ZNF85: variants seen among roughly 807,000 people sequenced by gnomAD.
The protein encoded by ZNF85 is zinc finger protein 85 (HPF4, HTF1).
ZNF85 carries 50 observed loss-of-function variants against 53.9 expected under a neutral mutation model. The observed-to-expected ratio is 0.93, with a 90% CI of 0.74 to 1.17. The LOEUF (loss-of-function observed/expected upper bound fraction) is 1.17. Among genes scored for constraint, ZNF85 ranks in the 50% most tolerant of loss-of-function variants. The pLI is 0.00. For missense variants in ZNF85, 747 were observed against 688.5 expected, an observed-to-expected ratio of 1.08 and a Z score of -0.95; for synonymous variants, 225 against 226.1, an observed-to-expected ratio of 1.00 and a Z score of 0.04.
At position 20,950,283 on chromosome 19, in the gene ZNF85, G is replaced by C. The variant is rs1172649684; in HGVS notation, c.1769G>C (p.Gly590Ala). 6.6e-7 allele frequency: 1 copy of C among 1,525,280 alleles called. No homozygotes were observed. The highest frequency in any genetic ancestry group is 1.3e-5 in the South Asian group (1 of 74,088). The allele number at this position is 1,525,280 out of a possible 1,614,324, so 94.5% of individuals were successfully genotyped here. A position where few individuals can be genotyped will look rare whatever the true frequency, so the allele number is the denominator to read the frequency against. ...ACTAAACATAAGATAATTCATACCG[G>C]AGAAAAATTACAAATATGAAAATTA... ...VLTKHKIIHT[G>A]EKLQI is the part of the protein sequence containing the mutation. The change falls in exon 4 of 4, where the codon GGA becomes GCA. Residue 590 changes from glycine (G) to alanine (A), a missense_variant. Transcript: ENST00000328178.
chr19:20,938,864 G>A (rs1599438542), intron 3 of ZNF85, among the ~76,000 whole-genome samples: 1 of 146,724 alleles, frequency 6.8e-6, no homozygotes, highest in South Asian at 2.2e-4. Flanking sequence ...GTGTGTGTGT[G>A]TGTGTGTGTG....
chr19:20,941,451 C>T (rs984901094), intron 3 of ZNF85, among the ~76,000 whole-genome samples: 20 of 152,078 alleles, frequency 1.3e-4, no homozygotes, highest in Non-Finnish European at 2.6e-4. Context: ...TTAGTAGAGA[C>T]GGGGTTTCAC....
chr19:20,950,300 T>C lies in ZNF85; in HGVS notation c.1786T>C (p.Ter596ArgextTer27), dbSNP rs181284877. 47 of 1,516,258 alleles carry C rather than the reference T, an allele frequency of 3.1e-5. No individual in the cohort carries two copies. In the East Asian group the frequency reaches 1.0e-3, roughly 34 times the overall value. 93.9% of individuals were successfully genotyped at this position (1,516,258 alleles called of 1,614,324 possible). A position where few individuals can be genotyped will look rare whatever the true frequency, so the allele number is the denominator to read the frequency against. Residue 596 changes from the stop codon to arginine (R), a stop_lost, in exon 4 of 4, where the codon TGA (stop) becomes CGA (arginine). Coordinates refer to ENST00000328178, the MANE Select transcript of ZNF85 (RefSeq NM_003429.5). ...IIHTGEKLQI[*>R] ...TCATACCGGAGAAAAATTACAAATA[T>C]GAAAATTATGGCAAAGCTTTAATCA...
chr19:20,925,444 G>A (rs1407224861), intron 1 of ZNF85, among the ~76,000 whole-genome samples: 3 of 138,120 alleles, frequency 2.2e-5, no homozygotes, highest in East Asian at 4.0e-4. Context: ...GTGAAAGAGC[G>A]AGACTGTATA....
intron 3 of ZNF85, among the ~76,000 whole-genome samples, chr19:20,944,475 ATAATT>A (rs1322170184): frequency 2.1e-5 from 3 of 145,090 alleles, no homozygotes; most frequent in Non-Finnish European, 3.0e-5. Context: ...AATTAGTAGT[ATAATT>A]ATTATATATT....
intron 1 of ZNF85, among the ~76,000 whole-genome samples, chr19:20,923,909 C>G (rs181157804): frequency 6.3e-4 from 96 of 152,122 alleles, no homozygotes; most frequent in African/African-American, 2.2e-3. Flanking sequence ...TGGTGAAACC[C>G]CGTCTCAATT....
chr19:20,938,077 G>GT (rs1223614723), intron 3 of ZNF85, among the ~76,000 whole-genome samples: 2 of 152,008 alleles, frequency 1.3e-5, no homozygotes, highest in East Asian at 1.9e-4. Context: ...GACTAGTCTT[G>GT]TTTTTTTGTT....
chr19:20,938,311 C>T (rs1038429923), intron 3 of ZNF85, among the ~76,000 whole-genome samples: 2 of 152,114 alleles, frequency 1.3e-5, no homozygotes, highest in South Asian at 2.1e-4. Flanking sequence ...GTTAACCTTC[C>T]CACCTCAACC....
At chr19:20,945,301 C>G (rs971108294) in intron 3 of ZNF85, among the ~76,000 whole-genome samples, 3 of 152,178 alleles carry the variant, frequency 2.0e-5, no homozygotes, top group Non-Finnish European at 4.4e-5. Context: ...CATTTTGTAG[C>G]ACTTTCCAAA....
At position 20,949,455 on chromosome 19, in the gene ZNF85, A is replaced by G. The variant is rs28699012; in HGVS notation, c.941A>G (p.Tyr314Cys). The G allele has an allele frequency of 2.7e-5, 44 of 1,613,426 alleles. No homozygotes were observed. In the African/African-American group the frequency reaches 5.7e-4, roughly 21 times the overall value. Residue 314 changes from tyrosine (Y) to cysteine (C), a missense_variant, in exon 4 of 4, where the codon TAC becomes TGC. By Grantham distance (194) the Tyr-to-Cys change is radical (BLOSUM62 -2). Coordinates refer to ENST00000328178, the MANE Select transcript of ZNF85 (RefSeq NM_003429.5). ...AAAATTCATACTGGAGAGAAACCTT[A>G]CAAATGTGAAGAATGTGGCAAAGCC... ...HRKIHTGEKP[Y>C]KCEECGKAFK...
At position 20,923,254 on chromosome 19, in the gene ZNF85, T is replaced by C; in HGVS notation, c.-147T>C. 1.5e-6 allele frequency: 2 copies of C among 1,309,842 alleles called. No individual in the cohort carries two copies. Among genetic ancestry groups the C allele is most frequent in the Non-Finnish European group, 2.1e-6 (2 of 936,510 alleles). The allele number at this position is 1,309,842 out of a possible 1,614,324, so 81.1% of individuals were successfully genotyped here. On this transcript the variant is annotated 5_prime_UTR_variant, in exon 1 of 4. Coordinates refer to ENST00000328178, the MANE Select transcript of ZNF85 (RefSeq NM_003429.5). Reference sequence around the variant, plus strand: ...GCGGCTTCCGGGATGTGGCGGGGCCTTTGTCTCTCGCTGCAGCCTGAGCTC... The same window carrying C: ...GCGGCTTCCGGGATGTGGCGGGGCCCTTGTCTCTCGCTGCAGCCTGAGCTC...
intron 3 of ZNF85, chr19:20,942,901 G>T (rs780580366): frequency 1.5e-6 from 1 of 678,728 alleles, no homozygotes; most frequent in African/African-American, 1.8e-5. Context: ...TCAGCCTCCC[G>T]AGTAGCTTGG....
At chr19:20,947,755 T>G (rs767439533) in intron 3 of ZNF85, among the ~76,000 whole-genome samples, 2 of 151,656 alleles carry the variant, frequency 1.3e-5, no homozygotes, top group Non-Finnish European at 3.0e-5. Context: ...TCATTTTTTC[T>G]TATATTAAAA....
intron 3 of ZNF85, chr19:20,936,997 A>G (rs184246658): frequency 7.6e-4 from 142 of 187,166 alleles, no homozygotes; most frequent in African/African-American, 3.2e-3. Flanking sequence ...CAGCTCTTCA[A>G]GTTTTTGGGG....
In ZNF85 at chr19:20,934,064, T is replaced by C. The variant is rs1973097030; in HGVS notation, c.44T>C (p.Leu15Pro). The C allele has an allele frequency of 6.2e-7, 1 of 1,612,808 alleles. No homozygotes were observed. The highest frequency in any genetic ancestry group is 8.5e-7 in the Non-Finnish European group (1 of 1,179,338). The change falls in exon 2 of 4, where the codon CTG becomes CCG. Residue 15 changes from leucine to proline, a missense_variant. Transcript: ENST00000328178. ...TFRDVAIEFS[L>P]KEWQCLDTAQ... The stretch of plus-strand genomic sequence containing the variant: ...AGGGATGTGGCCATAGAATTCTCTC[T>C]GAAGGAGTGGCAATGCCTGGACACT...
intron 3 of ZNF85, among the ~76,000 whole-genome samples, chr19:20,946,091 T>C (rs1287688370): frequency 6.6e-6 from 1 of 152,092 alleles, no homozygotes; most frequent in Non-Finnish European, 1.5e-5. Flanking sequence ...CTTTTGAGAT[T>C]CCATATACTT....
At chr19:20,935,112 C>A in intron 3 of ZNF85, 65 bp downstream of exon 3, 1 of 1,051,254 alleles carries the variant, frequency 9.5e-7, no homozygotes. Flanking sequence ...AAAGAGAAAG[C>A]CAGTCCTTAA....
At chr19:20,944,795 A>C (rs1263921817) in intron 3 of ZNF85, among the ~76,000 whole-genome samples, 1 of 151,986 alleles carries the variant, frequency 6.6e-6, no homozygotes, top group Non-Finnish European at 1.5e-5. Context: ...TGGATGTTTT[A>C]GTTTATATTA....
chr19:20,933,972 TGTG>T lies in ZNF85; in HGVS notation c.4-51_4-49del, dbSNP rs1973090656. 54 of 1,082,750 alleles carry T rather than the reference TGTG, an allele frequency of 5.0e-5. 1 individual carries two copies. The allele number at this position is 1,082,750 out of a possible 1,614,324, so 67.1% of individuals were successfully genotyped here. A position where few individuals can be genotyped will look rare whatever the true frequency, so the allele number is the denominator to read the frequency against. On this transcript the variant is annotated intron_variant, in intron 1 of 3. Transcript: ENST00000328178. ...GTTGGTAATTATGTGTGTGTGTGTG[TGTG>T]TGTGTGTGTGTGTGTGTGTGTGTAT...
Sources: allele counts gnomAD v4.1 joint callset (sites outside exome capture counted in the v4.1 genomes callset), GRCh38; gene constraint gnomAD v4.1.1; transcripts MANE v1.5; gene names NCBI Gene and HGNC (gene_info 2026-07-23, HGNC 2026-07-21).